RALGAPA2: variants seen among roughly 807,000 people sequenced by gnomAD.
RALGAPA2 encodes the protein Ral GTPase activating protein catalytic subunit alpha 2, also known as ral GTPase-activating protein subunit alpha-2.
A neutral mutation model predicts 230.4 loss-of-function variants in RALGAPA2; 139 were observed. The observed-to-expected ratio is 0.60, with a 90% CI of 0.53 to 0.69. The LOEUF is 0.69. Among genes scored for constraint, RALGAPA2 ranks in the 30% least tolerant of loss-of-function variants. The pLI, the probability that RALGAPA2 is intolerant of heterozygous loss-of-function variation, is 0.00. For missense variants in RALGAPA2, 2,163 were observed against 2,276.0 expected (o/e 0.95, Z 1.01); for synonymous variants, 847 against 837.8 (o/e 1.01, Z -0.19).
chr20:20,491,068 T>C (rs2062042742), intron 36 of RALGAPA2, among the ~76,000 whole-genome samples: 1 of 151,610 alleles, frequency 6.6e-6, no homozygotes, highest in African/African-American at 2.4e-5. Context: ...AGAGAAGCCT[T>C]GGTTCTCAAC....
chr20:20,530,388 C>A (rs570485211), intron 27 of RALGAPA2, among the ~76,000 whole-genome samples: 2 of 152,246 alleles, frequency 1.3e-5, no homozygotes, highest in East Asian at 1.9e-4. Context: ...TTTCCAGCTC[C>A]CATAATACAA....
intron 1 of RALGAPA2, among the ~76,000 whole-genome samples, chr20:20,707,781 C>G (rs1397472088): frequency 6.6e-6 from 1 of 152,048 alleles, no homozygotes; most frequent in Non-Finnish European, 1.5e-5. Context: ...CTGTTCCACT[C>G]CTTCCCCAGG....
chr20:20,457,395 A>G (rs912602783), intron 37 of RALGAPA2, among the ~76,000 whole-genome samples: 1 of 152,244 alleles, frequency 6.6e-6, no homozygotes, highest in Non-Finnish European at 1.5e-5. Flanking sequence ...TTTATCTCAC[A>G]GGAAAGATCT....
rs566102488 is a variant in RALGAPA2 at position 20,629,211 on chromosome 20, G to A, written c.1233+152C>T. On this transcript the variant is annotated intron_variant, in intron 10 of 39. Coordinates refer to ENST00000202677, the MANE Select transcript of RALGAPA2 (RefSeq NM_020343.4). Reference sequence around the variant, plus strand: ...CACAAATTAAAAGATTAGAGGGATCGTTCTTTATTATTCAGTTCTGTAACA... The same window carrying A: ...CACAAATTAAAAGATTAGAGGGATCATTCTTTATTATTCAGTTCTGTAACA... Among the ~76,000 whole-genome samples, 7 of 152,118 alleles carry A rather than the reference G, an allele frequency of 4.6e-5. No homozygotes were observed. The South Asian group carries it at 1.5e-3, about 32-fold the overall frequency.
In RALGAPA2 at chr20:20,414,527, A is replaced by T. The variant is rs76356416; in HGVS notation, c.5496-2379T>A. ...ATAATACCAGATGAACTGACCCCAG[A>T]CGGCAGCCCACCGTCCCAATCCTGG... On this transcript the variant is annotated intron_variant, in intron 37 of 39. Transcript: ENST00000202677. Among the ~76,000 whole-genome samples the T allele has an allele frequency of 9.4e-3, 1,433 of 152,204 alleles. 26 individuals carry two copies. The highest frequency in any genetic ancestry group is 0.033 in the African/African-American group (1,361 of 41,508).
Position 20,465,854 on chromosome 20 carries a change from A to G in RALGAPA2, c.5495+6975T>C, listed in dbSNP as rs1288577253. Among the ~76,000 whole-genome samples the G allele has an allele frequency of 2.0e-5, 3 of 152,180 alleles. No individual in the cohort carries two copies. In the East Asian group the frequency reaches 5.8e-4, roughly 29 times the overall value. On this transcript the variant is annotated intron_variant, in intron 37 of 39. Coordinates refer to ENST00000202677, the MANE Select transcript of RALGAPA2 (RefSeq NM_020343.4). ...TCTACCAGCCTTTATTTTAATACCC[A>G]CAATGGTAAAAAAGTAAATATTTCC... is the stretch of plus-strand genomic sequence containing the variant.
chr20:20,510,592 T>G (rs1175037177), intron 33 of RALGAPA2, among the ~76,000 whole-genome samples: 4 of 152,056 alleles, frequency 2.6e-5, no homozygotes, highest in Non-Finnish European at 5.9e-5. Context: ...TCTTCGAAAC[T>G]TTGGAACATC....
rs963450585 is a variant in RALGAPA2, at chr20:20,589,280, A to T, written c.2427T>A (p.His809Gln). The change falls in exon 18 of 40, where the codon CAT (histidine) becomes CAA (glutamine). Residue 809 changes from histidine to glutamine, a missense_variant. Coordinates refer to ENST00000202677, the MANE Select transcript of RALGAPA2 (RefSeq NM_020343.4). ...QENKGHVKRE[H>Q]EGITILVRRS... The stretch of plus-strand genomic sequence containing the variant: ...GAAAATATCTTACTGTTATTCCTTC[A>T]TGTTCTCTCTTCACATGTCCTTTAT... 2.5e-6 allele frequency: 4 copies of T among 1,573,824 alleles called. No homozygotes were observed. In the African/African-American group the frequency reaches 4.0e-5, roughly 16 times the overall value.
At chr20:20,703,881 C>T (rs958343134) in intron 1 of RALGAPA2, among the ~76,000 whole-genome samples, 9 of 152,154 alleles carry the variant, frequency 5.9e-5, no homozygotes, top group African/African-American at 2.2e-4. Context: ...AACATCTGTG[C>T]TACTTAAACT....
chr20:20,508,031 C>G (rs1199866762), intron 33 of RALGAPA2, among the ~76,000 whole-genome samples: 2 of 152,196 alleles, frequency 1.3e-5, no homozygotes, highest in African/African-American at 4.8e-5. Context: ...CCTTAAAAAT[C>G]TAAGCTGTTT....
Position 20,392,787 on chromosome 20 carries a change from T to G in RALGAPA2, c.*502A>C, listed in dbSNP as rs1019271257. The G allele has an allele frequency of 5.4e-6, 1 of 185,802 alleles. No homozygotes were observed. The highest frequency in any genetic ancestry group is 5.4e-5 in the Admixed American group (1 of 18,516). 11.5% of individuals were successfully genotyped at this position (185,802 alleles called of 1,614,324 possible). ...ATCAATGCAGATCAGATTCCTCAATTAGACAATTGTTTTGCCAGCCCCTTT... is the reference window on the plus strand; with the variant it reads ...ATCAATGCAGATCAGATTCCTCAATGAGACAATTGTTTTGCCAGCCCCTTT... On this transcript the variant is annotated 3_prime_UTR_variant, in exon 40 of 40. Coordinates refer to ENST00000202677, the MANE Select transcript of RALGAPA2 (RefSeq NM_020343.4).
chr20:20,392,758 C>A lies in RALGAPA2; in HGVS notation c.*531G>T. On this transcript the variant is annotated 3_prime_UTR_variant, in exon 40 of 40. Coordinates refer to ENST00000202677, the MANE Select transcript of RALGAPA2 (RefSeq NM_020343.4). ...TAAATCCTAACATAAAAGGAACTAGCAAAATCAATGCAGATCAGATTCCTC... is the reference window on the plus strand; with the variant it reads ...TAAATCCTAACATAAAAGGAACTAGAAAAATCAATGCAGATCAGATTCCTC... The A allele has an allele frequency of 6.1e-6, 1 of 164,742 alleles. No individual in the cohort carries two copies. Among genetic ancestry groups the A allele is most frequent in the Non-Finnish European group, 1.3e-5 (1 of 74,896 alleles). The allele number at this position is 164,742 out of a possible 1,614,324, so 10.2% of individuals were successfully genotyped here.
At chr20:20,656,988 G>A (rs1281986268) in intron 3 of RALGAPA2, among the ~76,000 whole-genome samples, 2 of 152,216 alleles carry the variant, frequency 1.3e-5, no homozygotes, top group Non-Finnish European at 2.9e-5. Context: ...ATCTAAGTTA[G>A]ATCCTCTGGT....
intron 13 of RALGAPA2, 144 bp from the exon 14 acceptor site, chr20:20,611,570 C>A: frequency 2.3e-6 from 3 of 1,317,846 alleles, no homozygotes; most frequent in Non-Finnish European, 3.0e-6. Context: ...ATGCCAATTA[C>A]ATAATGAATA....
chr20:20,605,535 G>T, intron 14 of RALGAPA2, 123 bp from the exon 15 acceptor site: 1 of 794,004 alleles, frequency 1.3e-6, no homozygotes, highest in Non-Finnish European at 2.0e-6. Flanking sequence ...ACTTTTGGAA[G>T]TTGTTTTTCT....
At chr20:20,679,171 T>C (rs1866301891) in intron 2 of RALGAPA2, among the ~76,000 whole-genome samples, 1 of 152,116 alleles carries the variant, frequency 6.6e-6, no homozygotes, top group African/African-American at 2.4e-5. Context: ...GTATCCCCCA[T>C]GCACCTCAAA....
intron 14 of RALGAPA2, among the ~76,000 whole-genome samples, chr20:20,606,689 CCCCATCAATGCA>C (rs1171716995): frequency 6.6e-6 from 1 of 152,156 alleles, no homozygotes; most frequent in Non-Finnish European, 1.5e-5. Context: ...TGCATTTTCC[CCCCATCAATGCA>C]CCTATCACAC....
intron 1 of RALGAPA2, among the ~76,000 whole-genome samples, chr20:20,699,219 G>T (rs1266652882): frequency 1.3e-5 from 2 of 152,062 alleles, no homozygotes; most frequent in African/African-American, 2.4e-5. Flanking sequence ...TTACTTCAAA[G>T]GTGATGTGTC....
At chr20:20,403,901 A>G (rs1428550562) in intron 38 of RALGAPA2, among the ~76,000 whole-genome samples, 1 of 152,052 alleles carries the variant, frequency 6.6e-6, no homozygotes, top group African/African-American at 2.4e-5. Flanking sequence ...CCTTTTCCAT[A>G]TCCTCAGGCA....
Sources: gnomAD v4.1 joint callset for allele counts (sites outside exome capture counted in the v4.1 genomes callset) on GRCh38, gnomAD v4.1.1 for gene constraint, MANE v1.5 for transcripts, NCBI Gene and HGNC (gene_info 2026-07-23, HGNC 2026-07-21) for gene names.